Variants in TRMT11 observed in about 807,000 individuals in gnomAD.
TRMT11 encodes tRNA methyltransferase 11, also known as tRNA (guanine(10)-N(2))-methyltransferase TRMT11.
A neutral mutation model predicts 62.8 loss-of-function variants in TRMT11; 53 were observed. The observed-to-expected ratio is 0.84, with a 90% confidence interval of 0.68 to 1.06. The LOEUF (loss-of-function observed/expected upper bound fraction) is 1.06, where lower values mean the gene tolerates loss of function less well. Ranked by LOEUF, TRMT11 falls within the 50% of genes least tolerant of loss-of-function variation. The pLI is 0.00. For missense variants in TRMT11, 556 were observed against 553.4 expected (o/e 1.00, Z -0.05); for synonymous variants, 188 against 190.3 (o/e 0.99, Z 0.10).
At chr6:126,163,021 TC>T (rs1316466525) in intron 21 of TRMT11, among the ~76,000 whole-genome samples, 38 of 152,298 alleles carry the variant, frequency 2.5e-4, no homozygotes, top group African/African-American at 9.1e-4. Context: ...CAATTTTACT[TC>T]CTCTCTTCCT....
intron 12 of TRMT11, among the ~76,000 whole-genome samples, chr6:126,034,048 C>T (rs767306630): frequency 8.6e-5 from 13 of 151,944 alleles, no homozygotes; most frequent in Non-Finnish European, 1.3e-4. Context: ...CTCTAAATGT[C>T]AAACTCTATT....
chr6:126,043,785 T>C (rs1775959022), downstream of TRMT11, among the ~76,000 whole-genome samples: 1 of 150,416 alleles, frequency 6.6e-6, no homozygotes, highest in Admixed American at 6.6e-5. Context: ...GGTTTTGATT[T>C]GCATTTCTCT....
At chr6:126,212,209 G>A in the TRMT11 span, among the ~76,000 whole-genome samples, 260 of 152,220 alleles carry the variant, frequency 1.7e-3, 1 homozygote, top group Middle Eastern at 6.8e-3. Context: ...CTCGGCTATT[G>A]TGAATATCGC....
At chr6:126,175,942 C>CT (rs915233523), upstream of TRMT11, among the ~76,000 whole-genome samples, 2 of 152,146 alleles carry the variant, frequency 1.3e-5, no homozygotes, top group African/African-American at 4.8e-5. Context: ...GAAAGACACC[C>CT]TGGGTCTCCT....
At chr6:126,151,900 CTTTTCT>C (rs751905766) in intron 21 of TRMT11, among the ~76,000 whole-genome samples, 388 of 32,732 alleles carry the variant, frequency 0.012, 2 homozygotes, top group African/African-American at 0.036. Context: ...CTTTTTCTTT[CTTTTCT>C]CTTTCTTTCT....
At chr6:126,036,380 A>C (rs1583821438) in intron 12 of TRMT11, among the ~76,000 whole-genome samples, 1 of 152,102 alleles carries the variant, frequency 6.6e-6, no homozygotes, top group Non-Finnish European at 1.5e-5. Context: ...TGGAGAATAC[A>C]CTAGGGAAGG....
At chr6:126,085,541 GCCC>G (rs1777206848) in intron 17 of TRMT11, among the ~76,000 whole-genome samples, 1 of 152,152 alleles carries the variant, frequency 6.6e-6, no homozygotes, top group Non-Finnish European at 1.5e-5. Flanking sequence ...GTTTCCTCCG[GCCC>G]TGATCGTGCC....
intron 17 of TRMT11, among the ~76,000 whole-genome samples, chr6:126,059,169 C>T (rs1431751692): frequency 6.6e-6 from 1 of 151,606 alleles, no homozygotes; most frequent in Non-Finnish European, 1.5e-5. Context: ...CAGGCATGAG[C>T]CACTGCACCC....
intron 17 of TRMT11, among the ~76,000 whole-genome samples, chr6:126,076,362 A>G (rs1419078021): frequency 6.6e-6 from 1 of 152,318 alleles, no homozygotes; most frequent in South Asian, 2.1e-4. Flanking sequence ...ATATAATGCC[A>G]TCAGTGAATG....
At chr6:126,270,496 C>T in the TRMT11 span, among the ~76,000 whole-genome samples, 133 of 152,002 alleles carry the variant, frequency 8.7e-4, 1 homozygote, top group Middle Eastern at 3.4e-3. Context: ...TGATGTTGTT[C>T]GAACAATTGG....
chr6:126,027,973 T>C (rs1487829243), intron 12 of TRMT11, among the ~76,000 whole-genome samples: 1 of 152,208 alleles, frequency 6.6e-6, no homozygotes, highest in Non-Finnish European at 1.5e-5. Flanking sequence ...GTCTTTATGA[T>C]AGTTTACATA....
At chr6:126,019,806 A>G (rs905627925) in intron 11 of TRMT11, among the ~76,000 whole-genome samples, 1 of 152,240 alleles carries the variant, frequency 6.6e-6, no homozygotes, top group Non-Finnish European at 1.5e-5. Flanking sequence ...CTTTCATGTC[A>G]TAAATGCATT....
intron 17 of TRMT11, among the ~76,000 whole-genome samples, chr6:126,110,229 G>T (rs1330945623): frequency 6.6e-6 from 1 of 152,052 alleles, no homozygotes; most frequent in Non-Finnish European, 1.5e-5. Context: ...AAAATTTCTT[G>T]CTTTCAAGGT....
At chr6:126,194,011 T>C (rs1778636075) in intron 1 of TRMT11, among the ~76,000 whole-genome samples, 1 of 152,224 alleles carries the variant, frequency 6.6e-6, no homozygotes, top group Admixed American at 6.5e-5. Flanking sequence ...TTAGTTTTAT[T>C]CTTTTGTGGT....
chr6:126,052,265 GTC>G (rs1048848398), intron 16 of TRMT11, among the ~76,000 whole-genome samples: 8 of 152,130 alleles, frequency 5.3e-5, no homozygotes, highest in African/African-American at 1.7e-4. Context: ...GTTGTTAGTT[GTC>G]TCTAAGAAAA....
intron 17 of TRMT11, among the ~76,000 whole-genome samples, chr6:126,112,599 T>C (rs1014179967): frequency 6.6e-6 from 1 of 152,130 alleles, no homozygotes. Flanking sequence ...TGATCGGTTG[T>C]AGTAATAACA....
intron 21 of TRMT11, among the ~76,000 whole-genome samples, chr6:126,125,608 A>T (rs1163307389): frequency 6.6e-6 from 1 of 152,120 alleles, no homozygotes; most frequent in Non-Finnish European, 1.5e-5. Flanking sequence ...GAAACACAAC[A>T]GACATGGTCC....
rs776868535 is a variant in TRMT11, at chr6:126,013,098, C to T, written c.1136C>T (p.Pro379Leu). ...GTCTATTGGTTACCGGTGTATACGC[C>T]AGAGTATGTAATCTTAATTTTATTT... Reference protein sequence around the residue: ...RLVYWLPVYTPEYTEEMVPWH... With the variant: ...RLVYWLPVYTLEYTEEMVPWH... The change falls in exon 11 of 13, where the codon CCA becomes CTA. Residue 379 changes from proline (P) to leucine (L), a missense_variant. Coordinates refer to ENST00000334379, the MANE Select transcript of TRMT11 (RefSeq NM_001031712.3). The T allele has an allele frequency of 7.5e-6, 12 of 1,608,074 alleles. No individual in the cohort carries two copies. Among genetic ancestry groups the T allele is most frequent in the South Asian group, 5.6e-5 (5 of 89,640 alleles).
At chr6:126,009,800 A>G (rs968615217) in intron 8 of TRMT11, among the ~76,000 whole-genome samples, 2 of 152,070 alleles carry the variant, frequency 1.3e-5, no homozygotes, top group Non-Finnish European at 2.9e-5. Flanking sequence ...GAAGCAGTAT[A>G]TTTCTTTTAA....
Sources: allele counts gnomAD v4.1 joint callset (sites outside exome capture counted in the v4.1 genomes callset), GRCh38; gene constraint gnomAD v4.1.1; transcripts MANE v1.5; gene names NCBI Gene and HGNC (gene_info 2026-07-23, HGNC 2026-07-21).